The following HPSE variants were observed in gnomAD, a reference collection of about 807,000 sequenced individuals.
The protein encoded by HPSE is heparanase.
Under a neutral mutation model 65.1 loss-of-function variants are expected in HPSE, and 48 were observed. That is an observed-to-expected ratio of 0.74 (90% CI 0.58 to 0.94). The LOEUF (loss-of-function observed/expected upper bound fraction) is 0.94. Among genes scored for constraint, HPSE ranks in the 40% least tolerant of loss-of-function variants. HPSE has a pLI of 0.00. For synonymous variants in HPSE, 243 were observed against 260.0 expected, an observed-to-expected ratio of 0.93 and a Z score of 0.63; for missense variants, 644 against 637.5, an observed-to-expected ratio of 1.01 and a Z score of -0.11.
At chr4:83,317,320 T>C (rs1736692717) in intron 3 of HPSE, among the ~76,000 whole-genome samples, 1 of 152,226 alleles carries the variant, frequency 6.6e-6, no homozygotes, top group African/African-American at 2.4e-5. Context: ...ATTACCAGTC[T>C]CAGCCACAGG....
chr4:83,313,074 G>A (rs1410096942), intron 4 of HPSE, 40 bp downstream of exon 4: 2 of 1,209,502 alleles, frequency 1.7e-6, no homozygotes, highest in African/African-American at 1.5e-5. Context: ...ATGCTAGTGG[G>A]GGATCTCCTT....
chr4:83,300,675 C>T lies in HPSE; in HGVS notation c.1472+285G>A, dbSNP rs1317464902. On this transcript the variant is annotated intron_variant, in intron 11 of 11. Transcript: ENST00000311412. ...CTAAAAATACAAAAAATTAGCCGGG[C>T]GTAGTGGCGGGCGCCTGTAGTCCCA... 1.9e-4 allele frequency among the ~76,000 whole-genome samples: 8 copies of T among 42,014 alleles called. 2 individuals are homozygous for T. The highest frequency in any genetic ancestry group is 3.0e-4 in the African/African-American group (6 of 19,712). The allele number at this position is 42,014 out of a possible 152,430, so 27.6% of individuals were successfully genotyped here.
At chr4:83,317,399 A>G (rs1292519201) in intron 3 of HPSE, among the ~76,000 whole-genome samples, 1 of 152,234 alleles carries the variant, frequency 6.6e-6, no homozygotes, top group Non-Finnish European at 1.5e-5. Context: ...TAGGTGCCCA[A>G]ACTAAACACA....
chr4:83,310,572 T>G, intron 5 of HPSE, 150 bp downstream of exon 5: 6 of 701,984 alleles, frequency 8.5e-6, no homozygotes, highest in Non-Finnish European at 1.4e-5. Flanking sequence ...TTTGTGGGAC[T>G]GAGATGGGAG....
chr4:83,322,445 G>A, intron 1 of HPSE, 81 bp from the exon 2 acceptor site: 1 of 1,175,422 alleles, frequency 8.5e-7, no homozygotes, highest in Non-Finnish European at 1.2e-6. Flanking sequence ...TTCTTTCCTG[G>A]TGGACCTATT....
chr4:83,313,194 T>A lies in HPSE; in HGVS notation c.593A>T (p.Gln198Leu), dbSNP rs1446440321. 6.2e-7 allele frequency: 1 copy of A among 1,613,950 alleles called. No individual in the cohort carries two copies. The highest frequency in any genetic ancestry group is 8.5e-7 in the Non-Finnish European group (1 of 1,179,838). Reference sequence around the variant, plus strand: ...CAACTGAGCATTAGAACTGTTCCACTGCAAATCTGCTGTTCTTAATAACGC... The same window carrying A: ...CAACTGAGCATTAGAACTGTTCCACAGCAAATCTGCTGTTCTTAATAACGC... The part of the protein sequence containing the change: ...LNALLRTADL[Q>L]WNSSNAQLLL... Residue 198 changes from glutamine (Q) to leucine (L), a missense_variant, in exon 4 of 12, where the codon CAG becomes CTG. By Grantham distance (113) the Gln-to-Leu change is moderately radical (BLOSUM62 -2). Transcript: ENST00000311412.
intron 9 of HPSE, among the ~76,000 whole-genome samples, chr4:83,305,100 C>T (rs1560505951): frequency 6.6e-6 from 1 of 152,126 alleles, no homozygotes. Context: ...GAGAAGGGTA[C>T]CATTTACTCT....
In HPSE at chr4:83,309,515, T is replaced by C. The variant is rs1473997247; in HGVS notation, c.891-20A>G. 7.8e-7 allele frequency: 1 copy of C among 1,288,008 alleles called. No individual in the cohort carries two copies. Among genetic ancestry groups the C allele is most frequent in the Admixed American group, 1.9e-5 (1 of 51,714 alleles). The allele number at this position is 1,288,008 out of a possible 1,614,324, so 79.8% of individuals were successfully genotyped here. On this transcript the variant is annotated intron_variant, in intron 6 of 11. Transcript: ENST00000311412. Reference sequence around the variant, plus strand: ...TAGTAGCTAAATTACACAGAAAATATTCAGAAAAAAAATAACAAATTTTAC... The same window carrying C: ...TAGTAGCTAAATTACACAGAAAATACTCAGAAAAAAAATAACAAATTTTAC...
chr4:83,322,501 T>C (rs1018402282), intron 1 of HPSE, 137 bp from the exon 2 acceptor site: 15 of 731,472 alleles, frequency 2.1e-5, no homozygotes, highest in Admixed American at 3.3e-5. Flanking sequence ...AATCACATTG[T>C]TTTGTTTTTG....
Position 83,326,983 on chromosome 4 carries a change from T to G in HPSE, c.228-4619A>C, listed in dbSNP as rs1737180788. ...CAAACTGTACCACCTTGGGTCACTC[T>G]CCATCACACTGCGCTGCCTTCATTT... is the stretch of plus-strand genomic sequence containing the variant. On this transcript the variant is annotated intron_variant, in intron 1 of 11. Coordinates refer to ENST00000311412, the MANE Select transcript of HPSE (RefSeq NM_001098540.3). This position sits in a 1 kb window ranked among gnomAD's most constrained non-coding sequence, Gnocchi z 4.2. Among the ~76,000 whole-genome samples the G allele has an allele frequency of 6.6e-6, 1 of 152,178 alleles. No homozygotes were observed. The highest frequency in any genetic ancestry group is 2.1e-4 in the South Asian group (1 of 4,828).
chr4:83,325,130 G>GGGGT (rs1737093380), intron 1 of HPSE, among the ~76,000 whole-genome samples: 1 of 134,172 alleles, frequency 7.5e-6, no homozygotes, highest in Non-Finnish European at 1.6e-5. Context: ...TATACAACTT[G>GGGGT]GTGTGTGTGT....
intron 1 of HPSE, among the ~76,000 whole-genome samples, chr4:83,325,130 GGTGTGTGTGT>G (rs70949703): frequency 0.019 from 2,557 of 134,236 alleles, 39 homozygotes; most frequent in South Asian, 0.055. Context: ...TATACAACTT[GGTGTGTGTGT>G]GTGTGTGTGT....
At chr4:83,296,822 A>G (rs1485603659) in intron 11 of HPSE, among the ~76,000 whole-genome samples, 5 of 152,154 alleles carry the variant, frequency 3.3e-5, no homozygotes, top group African/African-American at 4.8e-5. Flanking sequence ...ATTATCTATC[A>G]TCATTATTAT....
At chr4:83,325,479 TA>T (rs1737115318) in intron 1 of HPSE, among the ~76,000 whole-genome samples, 1 of 152,160 alleles carries the variant, frequency 6.6e-6, no homozygotes, top group South Asian at 2.1e-4. Flanking sequence ...GCGTCTGTTT[TA>T]ATAGGTGAAA....
intron 1 of HPSE, among the ~76,000 whole-genome samples, chr4:83,327,654 C>T (rs374951194): frequency 2.6e-4 from 39 of 152,296 alleles, no homozygotes; most frequent in African/African-American, 9.4e-4. Context: ...AAATAAGTTA[C>T]TTCTCTCTGA....
intron 11 of HPSE, among the ~76,000 whole-genome samples, chr4:83,296,687 A>G (rs1016346202): frequency 1.3e-5 from 2 of 151,984 alleles, no homozygotes; most frequent in Non-Finnish European, 2.9e-5. Context: ...GAAAAAAAAA[A>G]AAAAGAAAAG....
chr4:83,299,287 C>A (rs1375414299), intron 11 of HPSE, among the ~76,000 whole-genome samples: 1 of 142,870 alleles, frequency 7.0e-6, no homozygotes, highest in Admixed American at 7.4e-5. Context: ...TTGCTTGAAC[C>A]CAGGAGGCGG....
chr4:83,319,529 A>C, intron 2 of HPSE, 60 bp from the exon 3 acceptor site: 196 of 1,503,430 alleles, frequency 1.3e-4, no homozygotes, highest in Non-Finnish European at 1.7e-4. Context: ...CTGAAATCGC[A>C]TATATTTATT....
In HPSE at chr4:83,295,431, A is replaced by G. The variant is rs755732529; in HGVS notation, c.1545T>C (p.Pro515=). ...DQTLPPLMEK[P]LRPGSSLGLP... is the part of the protein sequence containing the mutation. ...AGCCCAGTGAACTTCCTGGCCGGAG[A>G]GGTTTTTCCATTAAAGGTGGCAAGG... The change falls in exon 12 of 12, where the codon CCT becomes CCC. Residue 515 remains proline, a synonymous_variant. Coordinates refer to ENST00000311412, the MANE Select transcript of HPSE (RefSeq NM_001098540.3). The G allele has an allele frequency of 6.2e-7, 1 of 1,613,680 alleles. No individual in the cohort carries two copies. The highest frequency in any genetic ancestry group is 1.1e-5 in the South Asian group (1 of 91,024).
Sources: allele counts gnomAD v4.1 joint callset (sites outside exome capture counted in the v4.1 genomes callset), GRCh38; gene constraint gnomAD v4.1.1; non-coding constraint Gnocchi (gnomAD v3.1); transcripts MANE v1.5; gene names NCBI Gene and HGNC (gene_info 2026-07-23, HGNC 2026-07-21).